GRAMD4: variants seen among roughly 807,000 people sequenced by gnomAD.
GRAMD4 encodes the protein GRAM domain-containing protein 4.
In GRAMD4, 25 loss-of-function variants were observed where a neutral mutation model predicts 83.9. The ratio of observed to expected loss-of-function variants is 0.30; its 90% CI spans 0.22 to 0.42. The LOEUF is 0.42. Ranked by LOEUF, GRAMD4 falls within the 10% of genes least tolerant of loss-of-function variation. The pLI is 1.00. For missense variants in GRAMD4, 593 were observed against 788.7 expected (o/e 0.75, Z 2.97); for synonymous variants, 336 against 320.9 (o/e 1.05, Z -0.50).
In GRAMD4 at chr22:46,665,544, G is replaced by T. The variant is rs1457239869; in HGVS notation, c.718-71G>T. The T allele has an allele frequency of 5.2e-5, 42 of 811,664 alleles. No individual in the cohort carries two copies. The South Asian group carries it at 6.2e-4, about 12-fold the overall frequency. 50.3% of individuals were successfully genotyped at this position (811,664 alleles called of 1,614,324 possible). A position where few individuals can be genotyped will look rare whatever the true frequency, so the allele number is the denominator to read the frequency against. ...CCCCACTGGGGCCGCCTGGTGGGGG[G>T]AGGCGGGAGGGATGTGCCTTGTCCT... is the stretch of plus-strand genomic sequence containing the variant. On this transcript the variant is annotated intron_variant, in intron 8 of 18. Transcript: ENST00000406902.
chr22:46,582,583 G>A (rs726974), intron 1 of GRAMD4, among the ~76,000 whole-genome samples: 6,607 of 152,224 alleles, frequency 0.043, 481 homozygotes, highest in African/African-American at 0.15. Flanking sequence ...ACCTGGAGCG[G>A]CACCTCATTA....
In GRAMD4 at chr22:46,622,757, C is replaced by T. The variant is rs953855879; in HGVS notation, c.-50+2192C>T. On this transcript the variant is annotated intron_variant, in intron 1 of 18. Coordinates refer to ENST00000406902, the MANE Select transcript of GRAMD4 (RefSeq NM_015124.5). This position sits in a 1 kb window ranked among gnomAD's most constrained non-coding sequence, Gnocchi z 4.0. Reference sequence around the variant, plus strand: ...CGAAACTCCGTCTCTACTAAAAATACAAAAAATTAGCTGGTGTGGTGGCGG... The same window carrying T: ...CGAAACTCCGTCTCTACTAAAAATATAAAAAATTAGCTGGTGTGGTGGCGG... Among the ~76,000 whole-genome samples, 6 of 151,886 alleles carry T rather than the reference C, an allele frequency of 4.0e-5. No homozygotes were observed. Among genetic ancestry groups the T allele is most frequent in the Non-Finnish European group, 7.4e-5 (5 of 67,962 alleles).
rs2081592085 is a variant in GRAMD4, at chr22:46,622,665, G to A, written c.-50+2100G>A. 6.6e-6 allele frequency among the ~76,000 whole-genome samples: 1 copy of A among 152,222 alleles called. No homozygotes were observed. Among genetic ancestry groups the A allele is most frequent in the African/African-American group, 2.4e-5 (1 of 41,460 alleles). On this transcript the variant is annotated intron_variant, in intron 1 of 18. Coordinates refer to ENST00000406902, the MANE Select transcript of GRAMD4 (RefSeq NM_015124.5). The surrounding 1 kb of genome is among the most constrained non-coding windows in gnomAD (Gnocchi z 4.0). ...ACGGCGGCTCACGCCTGTAATCCCA[G>A]CACTTTGGGAGGCCGAGGCGGGTGG... is the stretch of plus-strand genomic sequence containing the variant.
upstream of GRAMD4, among the ~76,000 whole-genome samples, chr22:46,619,396 G>A (rs936112897): frequency 6.6e-6 from 1 of 152,102 alleles, no homozygotes; most frequent in Non-Finnish European, 1.5e-5. Context: ...GAGTGCAGTG[G>A]TACGATCGTG....
chr22:46,617,362 A>C (rs2081517458), upstream of GRAMD4, among the ~76,000 whole-genome samples: 1 of 127,098 alleles, frequency 7.9e-6, no homozygotes, highest in African/African-American at 3.1e-5. Flanking sequence ...AGGTTCTCCC[A>C]TGTGTGCGGG....
intron 2 of GRAMD4, among the ~76,000 whole-genome samples, chr22:46,629,816 C>T (rs1376884278): frequency 6.6e-6 from 1 of 152,178 alleles, no homozygotes; most frequent in East Asian, 1.9e-4. Context: ...TCCCATTTCC[C>T]TTGGCCACCG....
chr22:46,677,050 G>A (rs1014855057), intron 18 of GRAMD4, 97 bp from the exon 19 acceptor site: 7 of 1,424,958 alleles, frequency 4.9e-6, no homozygotes, highest in Admixed American at 3.9e-5. Context: ...CGTGACTAGC[G>A]TGCTGGCCTG....
chr22:46,623,484 T>C (rs2081607425), intron 1 of GRAMD4, among the ~76,000 whole-genome samples: 1 of 152,056 alleles, frequency 6.6e-6, no homozygotes, highest in African/African-American at 2.4e-5. Flanking sequence ...GCCTCCCGGG[T>C]TCATGCCATT....
intron 1 of GRAMD4, among the ~76,000 whole-genome samples, chr22:46,624,947 G>A (rs1483275186): frequency 1.3e-5 from 2 of 148,190 alleles, no homozygotes; most frequent in Non-Finnish European, 3.0e-5. Context: ...TTCAAGCTCC[G>A]CCTCCTGGGT....
upstream of GRAMD4, chr22:46,620,262 C>T: frequency 1.6e-5 from 16 of 971,720 alleles, no homozygotes; most frequent in Non-Finnish European, 2.0e-5. This position sits in a 1 kb window ranked among gnomAD's most constrained non-coding sequence, Gnocchi z 4.7. Context: ...TGTTCCAGGG[C>T]TGGCTGGCCC....
chr22:46,602,101 G>A (rs1002830090), intron 1 of GRAMD4, among the ~76,000 whole-genome samples: 2 of 152,208 alleles, frequency 1.3e-5, no homozygotes, highest in South Asian at 2.1e-4. Flanking sequence ...CGCTCCTTGC[G>A]AGGCTGTGGG....
At chr22:46,669,859 G>A (rs977041482) in intron 13 of GRAMD4, among the ~76,000 whole-genome samples, 4 of 152,300 alleles carry the variant, frequency 2.6e-5, no homozygotes, top group African/African-American at 4.8e-5. Flanking sequence ...GATTACAGGC[G>A]GGAGCCACTG....
rs571115532 is a variant in GRAMD4 at position 46,648,537 on chromosome 22, A to G, written c.284-9650A>G. 1.7e-4 allele frequency among the ~76,000 whole-genome samples: 25 copies of G among 149,824 alleles called. 1 individual carries two copies. The South Asian group carries it at 5.4e-3, about 32-fold the overall frequency. On this transcript the variant is annotated intron_variant, in intron 3 of 18. Transcript: ENST00000406902. The stretch of plus-strand genomic sequence containing the variant: ...AGTAGATAGACAGATGGGTGGGTGA[A>G]TGGGAGAAGGGATGGTTAGATGGGT...
intron 16 of GRAMD4, 49 bp downstream of exon 16, chr22:46,674,799 GA>G: frequency 7.4e-7 from 1 of 1,350,306 alleles, no homozygotes; most frequent in Non-Finnish European, 1.1e-6. Context: ...GGGGGCGCAG[GA>G]GGCTGCCTAG....
intron 1 of GRAMD4, among the ~76,000 whole-genome samples, chr22:46,601,620 AC>A (rs532184393): frequency 6.6e-6 from 1 of 151,932 alleles, no homozygotes; most frequent in African/African-American, 2.4e-5. Context: ...ACACGGTGAA[AC>A]CCCATCTCTA....
chr22:46,675,144 A>G (rs917908001), intron 16 of GRAMD4, among the ~76,000 whole-genome samples: 3 of 149,930 alleles, frequency 2.0e-5, no homozygotes, highest in Non-Finnish European at 4.5e-5. Flanking sequence ...GTGGCTGTGA[A>G]TGTCTTATGC....
upstream of GRAMD4, among the ~76,000 whole-genome samples, chr22:46,615,822 G>T (rs62233587): frequency 3.2e-4 from 1 of 3,088 alleles, no homozygotes; most frequent in African/African-American, 1.0e-3. Flanking sequence ...CTGTGCGTGT[G>T]GGTTCCCCCA....
intron 1 of GRAMD4, among the ~76,000 whole-genome samples, chr22:46,589,889 C>A (rs2081189543): frequency 6.6e-6 from 1 of 152,170 alleles, no homozygotes; most frequent in African/African-American, 2.4e-5. Flanking sequence ...CTCAGAGAGG[C>A]CTCCTGTCAA....
At chr22:46,626,363 G>A (rs1207248992) in intron 1 of GRAMD4, among the ~76,000 whole-genome samples, 2 of 152,168 alleles carry the variant, frequency 1.3e-5, no homozygotes, top group Non-Finnish European at 2.9e-5. Flanking sequence ...CTTCCCTTGC[G>A]CCTGCGCGCC....
Sources: gnomAD v4.1 joint callset for allele counts (sites outside exome capture counted in the v4.1 genomes callset) on GRCh38, gnomAD v4.1.1 for gene constraint, Gnocchi (gnomAD v3.1) non-coding constraint, MANE v1.5 for transcripts, NCBI Gene and HGNC (gene_info 2026-07-23, HGNC 2026-07-21) for gene names.